CDYL: variants seen among roughly 807,000 people sequenced by gnomAD.
CDYL encodes the protein chromodomain Y-like protein.
A neutral mutation model predicts 47.3 loss-of-function variants in CDYL; 8 were observed. The observed-to-expected ratio is 0.17, with a 90% CI of 0.10 to 0.31. CDYL has a LOEUF of 0.31. Ranked by LOEUF, CDYL falls within the 10% of genes least tolerant of loss-of-function variation. The pLI is 1.00. For missense variants in CDYL, 471 were observed against 701.4 expected (o/e 0.67, Z 3.71); for synonymous variants, 266 against 265.0 (o/e 1.00, Z -0.04).
intron 2 of CDYL, among the ~76,000 whole-genome samples, chr6:4,724,220 T>C (rs6597095): frequency 0.098 from 14,896 of 152,098 alleles, 768 homozygotes; most frequent in East Asian, 0.15. Context: ...TTTGTATTTT[T>C]TTTTTTTAAG....
intron 2 of CDYL, among the ~76,000 whole-genome samples, chr6:4,912,663 A>G (rs1311285730): frequency 6.6e-6 from 1 of 152,170 alleles, no homozygotes; most frequent in Non-Finnish European, 1.5e-5. Context: ...AAGAAAAGGA[A>G]TTTTTCTTTC....
chr6:4,818,457 A>G (rs1174610999), intron 1 of CDYL, among the ~76,000 whole-genome samples: 1 of 152,180 alleles, frequency 6.6e-6, no homozygotes, highest in African/African-American at 2.4e-5. Flanking sequence ...CAGCTGAATT[A>G]GTCAGCAGTC....
At chr6:4,714,996 GTTTT>G (rs372906656) in intron 1 of CDYL, 1 of 152,012 alleles carries the variant, frequency 6.6e-6, no homozygotes, top group Non-Finnish European at 1.5e-5. Context: ...GACCTCAGTT[GTTTT>G]TTATTTTTCC....
chr6:4,854,616 C>A (rs1172837596), intron 1 of CDYL, among the ~76,000 whole-genome samples: 3 of 152,172 alleles, frequency 2.0e-5, no homozygotes, highest in Non-Finnish European at 2.9e-5. Context: ...AATAAAATAA[C>A]CTCATGACAC....
chr6:4,897,791 T>TTTTGTTTG (rs1554105982), intron 2 of CDYL, among the ~76,000 whole-genome samples: 1 of 34,348 alleles, frequency 2.9e-5, no homozygotes, highest in Admixed American at 4.5e-4. Flanking sequence ...AAGGTTTTTG[T>TTTTGTTTG]TTTTTTTTTT....
intron 2 of CDYL, among the ~76,000 whole-genome samples, chr6:4,924,035 A>G (rs570383332): frequency 6.6e-6 from 1 of 152,244 alleles, no homozygotes; most frequent in East Asian, 1.9e-4. Flanking sequence ...TGCACTTGCC[A>G]CATCTAATAC....
chr6:4,868,407 A>G (rs1468314267), intron 1 of CDYL, among the ~76,000 whole-genome samples: 1 of 151,054 alleles, frequency 6.6e-6, no homozygotes, highest in African/African-American at 2.4e-5. Context: ...AATTTTGGAG[A>G]GTTTCCAAAA....
At chr6:4,707,307 C>T (rs1018749078) in intron 1 of CDYL, among the ~76,000 whole-genome samples, 1 of 152,162 alleles carries the variant, frequency 6.6e-6, no homozygotes, top group Non-Finnish European at 1.5e-5. Context: ...GACAGAGTCT[C>T]GCTCTGTCAC....
intron 1 of CDYL, among the ~76,000 whole-genome samples, chr6:4,865,072 G>A (rs561721052): frequency 6.6e-6 from 1 of 152,098 alleles, no homozygotes; most frequent in Non-Finnish European, 1.5e-5. Context: ...TCTAGTTTCA[G>A]TAAACAACTT....
intron 2 of CDYL, among the ~76,000 whole-genome samples, chr6:4,919,244 G>A (rs1299192911): frequency 6.6e-6 from 1 of 151,990 alleles, no homozygotes; most frequent in Non-Finnish European, 1.5e-5. Flanking sequence ...CTGGGTACAT[G>A]TGTGGCCTGT....
At chr6:4,937,501 A>AG in intron 3 of CDYL, 64 bp from the exon 4 acceptor site, 4 of 1,334,870 alleles carry the variant, frequency 3.0e-6, no homozygotes, top group Non-Finnish European at 3.9e-6. Flanking sequence ...CTCCAAAAAA[A>AG]AAAATGCTTT....
chr6:4,760,092 A>T (rs1758151651), intron 3 of CDYL, among the ~76,000 whole-genome samples: 1 of 151,786 alleles, frequency 6.6e-6, no homozygotes, highest in African/African-American at 2.4e-5. Flanking sequence ...TGGGGTTGAA[A>T]CAATCCTTTA....
rs548887658 is a variant in CDYL, at chr6:4,887,888, T to G, written c.25-3825T>G. Among the ~76,000 whole-genome samples the G allele has an allele frequency of 1.6e-4, 24 of 152,090 alleles. 1 individual carries two copies. In the East Asian group the frequency reaches 4.6e-3, roughly 29 times the overall value. Reference sequence around the variant, plus strand: ...ATTTCTAGTTTACTGACTTCTTTTTTTTTTTTTTAATCATGAAGAGGTGTT... The same window carrying G: ...ATTTCTAGTTTACTGACTTCTTTTTGTTTTTTTTAATCATGAAGAGGTGTT... On this transcript the variant is annotated intron_variant, in intron 1 of 6. Transcript: ENST00000397588.
At chr6:4,885,955 C>T (rs148422445) in intron 1 of CDYL, among the ~76,000 whole-genome samples, 8 of 152,200 alleles carry the variant, frequency 5.3e-5, no homozygotes, top group Non-Finnish European at 1.2e-4. Context: ...AGTCTATTTT[C>T]TGTCTCTATA....
exon 2 of CDYL, chr6:4,715,799 C>G: frequency 6.2e-7 from 1 of 1,614,152 alleles, no homozygotes; most frequent in Non-Finnish European, 8.5e-7. Context: ...AGGCAAGCCA[C>G]AGGTCAGCCT....
At chr6:4,940,659 T>G (rs963226352) in intron 4 of CDYL, among the ~76,000 whole-genome samples, 2 of 152,256 alleles carry the variant, frequency 1.3e-5, no homozygotes, top group Non-Finnish European at 2.9e-5. Context: ...TGGACAGCAT[T>G]AGGCTTTTGA....
At position 4,866,191 on chromosome 6, in the gene CDYL, G is replaced by A. The variant is rs1041125771; in HGVS notation, c.25-25522G>A. Among the ~76,000 whole-genome samples, 36 of 152,086 alleles carry A rather than the reference G, an allele frequency of 2.4e-4. 1 individual carries two copies. Among genetic ancestry groups the A allele is most frequent in the African/African-American group, 6.7e-4 (28 of 41,518 alleles). ...GAGTGGTTGTCAAAATTTTGGAGTC[G>A]GTCAAGTACCCAAGTTAAAAATCAG... On this transcript the variant is annotated intron_variant, in intron 1 of 6. Coordinates refer to ENST00000397588, the MANE Select transcript of CDYL (RefSeq NM_004824.4).
chr6:4,759,499 A>C (rs1236776475), intron 3 of CDYL, among the ~76,000 whole-genome samples: 3 of 152,178 alleles, frequency 2.0e-5, no homozygotes, highest in Non-Finnish European at 4.4e-5. Context: ...TCTATCAGAC[A>C]TTAAAATTGT....
At chr6:4,724,053 G>C (rs1439486308) in intron 2 of CDYL, among the ~76,000 whole-genome samples, 1 of 151,788 alleles carries the variant, frequency 6.6e-6, no homozygotes, top group Non-Finnish European at 1.5e-5. Context: ...CTTTTTGTGC[G>C]CGTTTGAGAG....
Sources: gnomAD v4.1 joint callset for allele counts (sites outside exome capture counted in the v4.1 genomes callset) on GRCh38, gnomAD v4.1.1 for gene constraint, MANE v1.5 for transcripts, NCBI Gene and HGNC (gene_info 2026-07-23, HGNC 2026-07-21) for gene names.